Variants in VAV1 observed in about 807,000 individuals in gnomAD.
VAV1 encodes vav guanine nucleotide exchange factor 1.
In VAV1, 33 loss-of-function variants were observed where a neutral mutation model predicts 128.1. That is an observed-to-expected ratio of 0.26 (90% CI 0.20 to 0.34). The LOEUF (loss-of-function observed/expected upper bound fraction) is 0.34, where lower values mean the gene tolerates loss of function less well. VAV1 is among the 10% of genes least tolerant of loss of function. The pLI is 1.00. For synonymous variants in VAV1, 394 were observed against 409.8 expected (o/e 0.96, Z 0.47); for missense variants, 715 against 1,093.7 (o/e 0.65, Z 4.88).
In VAV1 at chr19:6,777,234, TATCCATCCATCC is replaced by T. The variant is rs57771330; in HGVS notation, c.204+4265_204+4276del. On this transcript the variant is annotated intron_variant, in intron 1 of 26. Coordinates refer to ENST00000602142, the MANE Select transcript of VAV1 (RefSeq NM_005428.4). This position sits in a 1 kb window ranked among gnomAD's most constrained non-coding sequence, Gnocchi z 4.4. ...TCATCCATCCATTTATCTGTTTAAC[TATCCATCCATCC>T]ATCCATCCATCCATCCATCCATCCA... Among the ~76,000 whole-genome samples the T allele has an allele frequency of 0.036, 5,302 of 145,474 alleles. 185 individuals carry two copies. Among genetic ancestry groups the T allele is most frequent in the African/African-American group, 0.086 (3,359 of 39,120 alleles).
rs200685316 is a variant in VAV1 at position 6,780,694 on chromosome 19, C to T, written c.204+7683C>T. 6.0e-5 allele frequency among the ~76,000 whole-genome samples: 9 copies of T among 149,286 alleles called. No individual in the cohort carries two copies. The East Asian group carries it at 1.8e-3, about 29-fold the overall frequency. On this transcript the variant is annotated intron_variant, in intron 1 of 26. Transcript: ENST00000602142. The stretch of plus-strand genomic sequence containing the variant: ...TCAAGAGATTCTCCTGCCTCAGCCT[C>T]CCGAGTAGCTGGGATTACAGGCACG...
chr19:6,857,007 G>A, intron 26 of VAV1, 47 bp from the exon 27 acceptor site: 2 of 1,577,234 alleles, frequency 1.3e-6, no homozygotes, highest in Non-Finnish European at 1.7e-6. Context: ...AGGGGCAGTA[G>A]GAGGATGTGC....
intron 1 of VAV1, among the ~76,000 whole-genome samples, chr19:6,809,589 G>A (rs1381060291): frequency 6.6e-6 from 1 of 152,102 alleles, no homozygotes; most frequent in Non-Finnish European, 1.5e-5. Context: ...AAGTCAGCAG[G>A]GGCCGTGGTG....
chr19:6,776,747 T>C (rs1970652959), intron 1 of VAV1, among the ~76,000 whole-genome samples: 1 of 145,966 alleles, frequency 6.9e-6, no homozygotes, highest in Non-Finnish European at 1.5e-5. Context: ...CATCCACTAA[T>C]CTGTCTTTTT....
intron 1 of VAV1, among the ~76,000 whole-genome samples, chr19:6,794,193 T>A (rs1362787403): frequency 6.6e-6 from 1 of 152,056 alleles, no homozygotes. Flanking sequence ...AATAAATCAA[T>A]TATTAGTTTA....
intron 1 of VAV1, among the ~76,000 whole-genome samples, chr19:6,810,479 G>T (rs1430385975): frequency 6.6e-6 from 1 of 152,066 alleles, no homozygotes; most frequent in Non-Finnish European, 1.5e-5. Flanking sequence ...AGAGGTGGGT[G>T]GATCCCCTGA....
intron 1 of VAV1, among the ~76,000 whole-genome samples, chr19:6,786,509 G>A (rs1970897332): frequency 1.3e-5 from 2 of 152,118 alleles, no homozygotes. Context: ...ATGGCTGGGT[G>A]CAGTGGCTCA....
intron 1 of VAV1, among the ~76,000 whole-genome samples, chr19:6,784,763 G>C (rs1031774227): frequency 6.6e-6 from 1 of 152,024 alleles, no homozygotes; most frequent in African/African-American, 2.4e-5. Context: ...CAAAGTGCTG[G>C]GATTACAGAC....
chr19:6,821,260 G>C (rs1410555103), intron 2 of VAV1, among the ~76,000 whole-genome samples: 1 of 152,048 alleles, frequency 6.6e-6, no homozygotes, highest in African/African-American at 2.4e-5. Context: ...AATTAGCTGG[G>C]TGTGGTGGCC....
intron 6 of VAV1, among the ~76,000 whole-genome samples, chr19:6,823,130 CT>C (rs11292307): frequency 0.39 from 56,173 of 142,948 alleles, 11,000 homozygotes; most frequent in East Asian, 0.63. Flanking sequence ...ATCTATCTAT[CT>C]TTTTTTTTTT....
At position 6,832,640 on chromosome 19, in the gene VAV1, T is replaced by A. The variant is rs59537344; in HGVS notation, c.1508+440T>A. ...TCCACCTCTTCTTCCTCCTCCTCCC[T>A]TTCCTCCCCTTCTTCCTCCTCCTCC... On this transcript the variant is annotated intron_variant, in intron 15 of 26. Coordinates refer to ENST00000602142, the MANE Select transcript of VAV1 (RefSeq NM_005428.4). 2.0e-3 allele frequency among the ~76,000 whole-genome samples: 164 copies of A among 82,352 alleles called. 1 individual carries two copies. The highest frequency in any genetic ancestry group is 8.2e-3 in the Middle Eastern group (1 of 122). The allele number at this position is 82,352 out of a possible 152,430, so 54.0% of individuals were successfully genotyped here.
Position 6,820,899 on chromosome 19 carries a change from C to T in VAV1, c.321+81C>T, listed in dbSNP as rs1971766221. The T allele has an allele frequency of 3.0e-6, 4 of 1,355,218 alleles. No homozygotes were observed. Among genetic ancestry groups the T allele is most frequent in the Non-Finnish European group, 4.2e-6 (4 of 950,412 alleles). The allele number at this position is 1,355,218 out of a possible 1,614,324, so 83.9% of individuals were successfully genotyped here. A position where few individuals can be genotyped will look rare whatever the true frequency, so the allele number is the denominator to read the frequency against. On this transcript the variant is annotated intron_variant, in intron 2 of 26. Transcript: ENST00000602142. This position sits in a 1 kb window ranked among gnomAD's most constrained non-coding sequence, Gnocchi z 4.4. ...CTACACTGGGCAAGCTAAGGACTGTCAGGGGACAGGCAGACAAGCCAGACC... is the reference window on the plus strand; with the variant it reads ...CTACACTGGGCAAGCTAAGGACTGTTAGGGGACAGGCAGACAAGCCAGACC...
intron 21 of VAV1, among the ~76,000 whole-genome samples, chr19:6,840,945 T>G (rs1972360026): frequency 6.6e-6 from 1 of 151,916 alleles, no homozygotes; most frequent in African/African-American, 2.4e-5. Flanking sequence ...ACCAAGCTAA[T>G]TTTTGTATTT....
At chr19:6,811,987 G>C (rs1460000278) in intron 1 of VAV1, among the ~76,000 whole-genome samples, 1 of 152,168 alleles carries the variant, frequency 6.6e-6, no homozygotes, top group East Asian at 1.9e-4. Context: ...AGGGAGAGAG[G>C]AGGTATGGAG....
At chr19:6,853,834 A>C in intron 25 of VAV1, 113 bp from the exon 26 acceptor site, 1 of 1,377,984 alleles carries the variant, frequency 7.3e-7, no homozygotes, top group East Asian at 2.3e-5. Context: ...TCTGCAGAAA[A>C]GAGCACTGAG....
chr19:6,783,972 G>A (rs371633811), intron 1 of VAV1: 7 of 377,412 alleles, frequency 1.9e-5, no homozygotes, highest in South Asian at 2.6e-4. Flanking sequence ...GCAGGTCTAG[G>A]GCCAGGCATG....
intron 24 of VAV1, among the ~76,000 whole-genome samples, chr19:6,851,842 G>A (rs1972679830): frequency 6.6e-6 from 1 of 152,030 alleles, no homozygotes; most frequent in Non-Finnish European, 1.5e-5. Context: ...GATTTCACTT[G>A]ATTCTCAAAT....
intron 1 of VAV1, among the ~76,000 whole-genome samples, chr19:6,818,389 T>C (rs1971708630): frequency 6.6e-6 from 1 of 152,218 alleles, no homozygotes; most frequent in South Asian, 2.1e-4. Context: ...AATAAATGTC[T>C]TGTTCACCTC....
rs190651642 is a variant in VAV1, at chr19:6,853,895, T to G, written c.2333-52T>G. 2,929 of 1,582,394 alleles carry G rather than the reference T, an allele frequency of 1.9e-3. 34 individuals are homozygous for G. In the Admixed American group the frequency reaches 0.028, roughly 15 times the overall value. ...CCTGAGAGCTTGTGCCCCCAGAGAG[T>G]GAGTGGGTATCTGCCCCAGACCCTT... On this transcript the variant is annotated intron_variant, in intron 25 of 26. Transcript: ENST00000602142.
Sources: allele counts gnomAD v4.1 joint callset (sites outside exome capture counted in the v4.1 genomes callset), GRCh38; gene constraint gnomAD v4.1.1; non-coding constraint Gnocchi (gnomAD v3.1); transcripts MANE v1.5; gene names NCBI Gene and HGNC (gene_info 2026-07-23, HGNC 2026-07-21).